Variants in PTGER3 observed in about 807,000 individuals in gnomAD.
PTGER3 encodes prostaglandin E2 receptor EP3 subtype.
In PTGER3, 22 loss-of-function variants were observed where a neutral mutation model predicts 34.7. The ratio of observed to expected loss-of-function variants is 0.63; its 90% CI spans 0.45 to 0.91. The LOEUF is 0.91. Among genes scored for constraint, PTGER3 ranks in the 40% least tolerant of loss-of-function variants. PTGER3 has a pLI of 0.00. For synonymous variants in PTGER3, 241 were observed against 230.1 expected, an observed-to-expected ratio of 1.05 and a Z score of -0.43; for missense variants, 468 against 519.4, an observed-to-expected ratio of 0.90 and a Z score of 0.96.
chr1:70,889,874 T>TC (rs1187747844), intron 4 of PTGER3, among the ~76,000 whole-genome samples: 1 of 152,134 alleles, frequency 6.6e-6, no homozygotes, highest in East Asian at 1.9e-4. Flanking sequence ...TTTACTTTTT[T>TC]TTTTTTTGCT....
intron 1 of PTGER3, among the ~76,000 whole-genome samples, chr1:71,024,248 T>C (rs1658681705): frequency 6.6e-6 from 1 of 152,188 alleles, no homozygotes; most frequent in Non-Finnish European, 1.5e-5. Context: ...GTCTTAAAAC[T>C]CTCATCCTCT....
At chr1:70,972,758 C>T (rs1006277894) in intron 3 of PTGER3, among the ~76,000 whole-genome samples, 3 of 150,990 alleles carry the variant, frequency 2.0e-5, no homozygotes, top group Admixed American at 2.0e-4. Context: ...AAAATGAGAA[C>T]AAGATTAAAA....
chr1:70,950,837 T>C (rs1373359534), downstream of PTGER3: 1 of 152,264 alleles, frequency 6.6e-6, no homozygotes, highest in African/African-American at 2.4e-5. Flanking sequence ...TAGCTGGGAC[T>C]ACAGGAGCCT....
chr1:70,940,000 A>C (rs949566520), intron 4 of PTGER3, among the ~76,000 whole-genome samples: 1 of 152,158 alleles, frequency 6.6e-6, no homozygotes, highest in Non-Finnish European at 1.5e-5. Flanking sequence ...AAATTTTCCA[A>C]ACTTTTAAGC....
At chr1:70,981,380 TTTCTTTCTTTCTTTCCTTCC>T (rs1248186509) in intron 2 of PTGER3, among the ~76,000 whole-genome samples, 82 of 66,766 alleles carry the variant, frequency 1.2e-3, no homozygotes, top group South Asian at 2.7e-3. Context: ...TCTTTCTTTC[TTTCTTTCTTTCTTTCCTTCC>T]TTCCTTCCTT....
At chr1:70,862,873 G>A (rs186268745) in intron 4 of PTGER3, among the ~76,000 whole-genome samples, 1 of 152,226 alleles carries the variant, frequency 6.6e-6, no homozygotes, top group African/African-American at 2.4e-5. Context: ...ATAACTGAAT[G>A]GTTCTTAGCA....
chr1:71,033,473 A>G (rs1006848374), intron 1 of PTGER3, among the ~76,000 whole-genome samples: 1 of 152,190 alleles, frequency 6.6e-6, no homozygotes, highest in African/African-American at 2.4e-5. Context: ...ATTTATCACA[A>G]TCACTAGACT....
At position 71,012,398 on chromosome 1, in the gene PTGER3, G is replaced by A; in HGVS notation, c.984C>T (p.Phe328=). 3 of 1,613,954 alleles carry A rather than the reference G, an allele frequency of 1.9e-6. No individual in the cohort carries two copies. Among genetic ancestry groups the A allele is most frequent in the Non-Finnish European group, 2.5e-6 (3 of 1,180,026 alleles). ...GTGAAGCCAGGCGAACAGCTATTAA[G>A]AAGAAGTTGCATTCTTTCTGCTTCT... The part of the protein sequence containing the change: ...HTEKQKECNF[F]LIAVRLASLN... Residue 328 remains phenylalanine (F), a synonymous_variant, in exon 2 of 4, where the codon TTC becomes TTT. Coordinates refer to ENST00000306666, the MANE Select transcript of PTGER3 (RefSeq NM_198719.2).
chr1:70,862,391 G>A, intron 4 of PTGER3: 1 of 1,365,430 alleles, frequency 7.3e-7, no homozygotes, highest in Non-Finnish European at 9.8e-7. Context: ...GACACTGCAG[G>A]GTTCTCCTAT....
intron 4 of PTGER3, among the ~76,000 whole-genome samples, chr1:70,928,773 CTGATAA>C (rs897658284): frequency 3.8e-4 from 58 of 152,088 alleles, no homozygotes; most frequent in Middle Eastern, 3.4e-3. Flanking sequence ...GCATTCATTA[CTGATAA>C]TTATAATTTA....
At chr1:70,928,111 T>C (rs1648291758) in intron 4 of PTGER3, among the ~76,000 whole-genome samples, 1 of 144,954 alleles carries the variant, frequency 6.9e-6, no homozygotes, top group Non-Finnish European at 1.5e-5. Context: ...AATGAAGAAA[T>C]CCATTCATCA....
intron 4 of PTGER3, among the ~76,000 whole-genome samples, chr1:70,926,041 T>TA (rs1648050463): frequency 6.6e-6 from 1 of 152,086 alleles, no homozygotes; most frequent in Admixed American, 6.6e-5. Context: ...AGTAGTGAAA[T>TA]AAAATGCTCA....
intron 1 of PTGER3, among the ~76,000 whole-genome samples, chr1:71,038,801 G>A (rs905870963): frequency 1.3e-5 from 2 of 152,178 alleles, no homozygotes; most frequent in Non-Finnish European, 2.9e-5. Flanking sequence ...CTTAAGGCTT[G>A]TGTAAATTCA....
intron 4 of PTGER3, among the ~76,000 whole-genome samples, chr1:70,874,327 A>G (rs1646227925): frequency 6.6e-6 from 1 of 152,152 alleles, no homozygotes; most frequent in South Asian, 2.1e-4. Context: ...ATTTCTACTT[A>G]AGTTCCAGTA....
chr1:70,964,721 GACTA>G (rs764618986), intron 2 of PTGER3, among the ~76,000 whole-genome samples: 1 of 152,152 alleles, frequency 6.6e-6, no homozygotes, highest in Non-Finnish European at 1.5e-5. Flanking sequence ...CAGAAAATGT[GACTA>G]ACTATTGGTT....
At chr1:71,013,827 C>T (rs1336904869) in intron 1 of PTGER3, among the ~76,000 whole-genome samples, 1 of 151,760 alleles carries the variant, frequency 6.6e-6, no homozygotes, top group African/African-American at 2.4e-5. Flanking sequence ...TGTTTCATAA[C>T]AGCATTGTTC....
chr1:70,944,408 C>A (rs1015703548), intron 4 of PTGER3, among the ~76,000 whole-genome samples: 1 of 152,054 alleles, frequency 6.6e-6, no homozygotes, highest in African/African-American at 2.4e-5. Context: ...AAAAGAGTAC[C>A]TTTGAGAATG....
chr1:70,940,702 C>T (rs1218791859), intron 4 of PTGER3, among the ~76,000 whole-genome samples: 1 of 152,142 alleles, frequency 6.6e-6, no homozygotes, highest in South Asian at 2.1e-4. Flanking sequence ...GAAAAACTTG[C>T]CCCATGATTC....
intron 4 of PTGER3, among the ~76,000 whole-genome samples, chr1:70,939,316 C>A (rs1480147298): frequency 6.6e-6 from 1 of 152,240 alleles, no homozygotes; most frequent in Non-Finnish European, 1.5e-5. Flanking sequence ...TCCCTCCCAG[C>A]TGCTTTCATG....
Sources: allele counts gnomAD v4.1 joint callset (sites outside exome capture counted in the v4.1 genomes callset), GRCh38; gene constraint gnomAD v4.1.1; transcripts MANE v1.5; gene names NCBI Gene and HGNC (gene_info 2026-07-23, HGNC 2026-07-21).